FNDC3A: variants seen among roughly 807,000 people sequenced by gnomAD.
FNDC3A encodes the protein fibronectin type-III domain-containing protein 3A.
In FNDC3A, 32 loss-of-function variants were observed where a neutral mutation model predicts 148.9. The ratio of observed to expected loss-of-function variants is 0.21; its 90% CI spans 0.16 to 0.29. The LOEUF is 0.29. Among genes scored for constraint, FNDC3A ranks in the 10% least tolerant of loss-of-function variants. The probability of loss-of-function intolerance (pLI) is 1.00; values close to 1 mark genes in which losing one functional copy is unlikely to be tolerated. For missense variants in FNDC3A, 1,191 were observed against 1,452.8 expected, an observed-to-expected ratio of 0.82 and a Z score of 2.93; for synonymous variants, 472 against 473.6, an observed-to-expected ratio of 1.00 and a Z score of 0.04.
At chr13:49,107,081 G>A (rs2137854318) in intron 3 of FNDC3A, among the ~76,000 whole-genome samples, 1 of 152,296 alleles carries the variant, frequency 6.6e-6, no homozygotes, top group African/African-American at 2.4e-5. Flanking sequence ...AACAGTGTTG[G>A]TATGATCTGT....
intron 1 of FNDC3A, among the ~76,000 whole-genome samples, chr13:48,993,725 C>T (rs189976891): frequency 6.6e-6 from 1 of 152,180 alleles, no homozygotes; most frequent in Admixed American, 6.5e-5. Context: ...CAATTAAATC[C>T]TGTCAATTTT....
intron 2 of FNDC3A, among the ~76,000 whole-genome samples, chr13:49,068,715 A>G (rs956176262): frequency 6.6e-6 from 1 of 152,238 alleles, no homozygotes; most frequent in Admixed American, 6.5e-5. Flanking sequence ...ATGGAATACT[A>G]TGCAGCCATA....
rs967363703 is a variant in FNDC3A, at chr13:49,110,349, G to A, written c.176-4306G>A. The A allele has an allele frequency of 3.7e-6, 6 of 1,607,460 alleles. No homozygotes were observed. In the Admixed American group the frequency reaches 5.1e-5, roughly 14 times the overall value. ...AATTAAAGCTGTTAACGTGTACTAC[G>A]CTGTTTCCTTGTTGGATTTTCTTGT... is the stretch of plus-strand genomic sequence containing the variant. On this transcript the variant is annotated intron_variant, in intron 3 of 25. Transcript: ENST00000492622.
chr13:49,178,682 T>C lies in FNDC3A; in HGVS notation c.1617+28T>C. The C allele has an allele frequency of 2.4e-6, 3 of 1,241,484 alleles. No individual in the cohort carries two copies. The South Asian group carries it at 4.1e-5, about 17-fold the overall frequency. The allele number at this position is 1,241,484 out of a possible 1,614,324, so 76.9% of individuals were successfully genotyped here. A position where few individuals can be genotyped will look rare whatever the true frequency, so the allele number is the denominator to read the frequency against. ...AAGCTTTGAAAACCCTTAAACGATT[T>C]GTTCCTTGTTCCTATTCTTACTGGT... On this transcript the variant is annotated intron_variant, in intron 14 of 25. Transcript: ENST00000492622.
chr13:49,165,991 T>G (rs116513584), intron 8 of FNDC3A, among the ~76,000 whole-genome samples: 2,854 of 152,162 alleles, frequency 0.019, 95 homozygotes, highest in African/African-American at 0.064. Flanking sequence ...CCAGACAGTG[T>G]GCTCAAACAC....
intron 7 of FNDC3A, among the ~76,000 whole-genome samples, chr13:49,144,635 A>T (rs1187917063): frequency 2.0e-5 from 3 of 152,318 alleles, no homozygotes; most frequent in African/African-American, 7.2e-5. Flanking sequence ...TCGCTTTAAC[A>T]AAAGTAACTT....
chr13:49,132,518 TG>T (rs1303757416), intron 5 of FNDC3A, among the ~76,000 whole-genome samples: 1 of 152,210 alleles, frequency 6.6e-6, no homozygotes, highest in Non-Finnish European at 1.5e-5. Flanking sequence ...GTAGCACAGT[TG>T]TAGCACACAA....
chr13:49,162,121 G>A (rs934587057), intron 8 of FNDC3A, among the ~76,000 whole-genome samples: 1 of 152,000 alleles, frequency 6.6e-6, no homozygotes, highest in Non-Finnish European at 1.5e-5. Flanking sequence ...CTTTGTGGTG[G>A]TCTCTGTATT....
In FNDC3A at chr13:49,078,249, C is replaced by G. The variant is rs949745333; in HGVS notation, c.175+2885C>G. Among the ~76,000 whole-genome samples the G allele has an allele frequency of 2.4e-4, 36 of 152,248 alleles. 1 individual carries two copies. Among genetic ancestry groups the G allele is most frequent in the Admixed American group, 2.4e-3 (36 of 15,292 alleles). ...AATTTGTAACTGCAATCTGTAAACC[C>G]CACCTCCATAAATCAATTAAATTGA... On this transcript the variant is annotated intron_variant, in intron 3 of 25. Coordinates refer to ENST00000492622, the MANE Select transcript of FNDC3A (RefSeq NM_001079673.2).
chr13:49,058,801 C>G (rs1277517981), intron 2 of FNDC3A, among the ~76,000 whole-genome samples: 1 of 152,190 alleles, frequency 6.6e-6, no homozygotes, highest in African/African-American at 2.4e-5. Context: ...AGTATGTTGT[C>G]TATGGCTTTA....
intron 8 of FNDC3A, among the ~76,000 whole-genome samples, chr13:49,151,014 T>C (rs1267519330): frequency 6.6e-6 from 1 of 152,126 alleles, no homozygotes; most frequent in Non-Finnish European, 1.5e-5. Flanking sequence ...CTAAAGAATG[T>C]TTCATGTTTC....
rs540845650 is a variant in FNDC3A at position 49,121,175 on chromosome 13, C to A, written c.252+6444C>A. Among the ~76,000 whole-genome samples, 3 of 152,284 alleles carry A rather than the reference C, an allele frequency of 2.0e-5. No homozygotes were observed. The South Asian group carries it at 6.2e-4, about 32-fold the overall frequency. The stretch of plus-strand genomic sequence containing the variant: ...AGGCCACAGTGCAATCAAATTAGAA[C>A]TCAGGATTAAGAAACTCACTCAAAA... On this transcript the variant is annotated intron_variant, in intron 4 of 25. Coordinates refer to ENST00000492622, the MANE Select transcript of FNDC3A (RefSeq NM_001079673.2).
chr13:49,121,619 A>G (rs1009903512), intron 4 of FNDC3A, among the ~76,000 whole-genome samples: 1 of 152,146 alleles, frequency 6.6e-6, no homozygotes, highest in African/African-American at 2.4e-5. Context: ...TTAAAGAAGA[A>G]AAGAGAGGAG....
chr13:49,190,751 G>T (rs1283491921), intron 17 of FNDC3A, among the ~76,000 whole-genome samples: 1 of 152,162 alleles, frequency 6.6e-6, no homozygotes, highest in Non-Finnish European at 1.5e-5. Context: ...GAAAGGAAGG[G>T]TTCATTGAAG....
At chr13:49,089,962 A>AG (rs1419626920) in intron 3 of FNDC3A, among the ~76,000 whole-genome samples, 1 of 152,200 alleles carries the variant, frequency 6.6e-6, no homozygotes, top group African/African-American at 2.4e-5. Context: ...GCTGCTCCAT[A>AG]GGTTATACAA....
chr13:48,980,706 C>T (rs1486560738), intron 1 of FNDC3A, among the ~76,000 whole-genome samples: 1 of 152,094 alleles, frequency 6.6e-6, no homozygotes, highest in Non-Finnish European at 1.5e-5. Flanking sequence ...CTTCAGTATA[C>T]TGTGGTTCAT....
chr13:48,977,767 T>G (rs1344873867), intron 1 of FNDC3A, among the ~76,000 whole-genome samples: 1 of 152,218 alleles, frequency 6.6e-6, no homozygotes, highest in African/African-American at 2.4e-5. Context: ...GAGAAACATC[T>G]TGTTAAAATT....
At chr13:49,019,312 T>C (rs530021004) in intron 2 of FNDC3A, among the ~76,000 whole-genome samples, 8 of 152,320 alleles carry the variant, frequency 5.3e-5, no homozygotes, top group African/African-American at 1.7e-4. Context: ...TGGTGCGCCG[T>C]TTTTTAAGCC....
intron 3 of FNDC3A, among the ~76,000 whole-genome samples, chr13:49,092,256 C>T (rs1250431852): frequency 2.6e-5 from 4 of 152,152 alleles, no homozygotes; most frequent in Non-Finnish European, 4.4e-5. Context: ...TCAGGTCACT[C>T]GATAAATGGG....
Sources: gnomAD v4.1 joint callset for allele counts (sites outside exome capture counted in the v4.1 genomes callset) on GRCh38, gnomAD v4.1.1 for gene constraint, MANE v1.5 for transcripts, NCBI Gene and HGNC (gene_info 2026-07-23, HGNC 2026-07-21) for gene names.